The following SULF1 variants were observed in gnomAD, a reference collection of about 807,000 sequenced individuals.
SULF1 encodes the protein sulfatase 1, also known as extracellular sulfatase Sulf-1.
A neutral mutation model predicts 110.5 loss-of-function variants in SULF1; 46 were observed. That is an observed-to-expected ratio of 0.42 (90% confidence interval 0.33 to 0.53). The LOEUF (loss-of-function observed/expected upper bound fraction) is 0.53. SULF1 is among the 20% of genes least tolerant of loss of function. The pLI, the probability that SULF1 is intolerant of heterozygous loss-of-function variation, is 0.12. For missense variants in SULF1, 941 were observed against 1,094.2 expected (o/e 0.86, Z 1.98); for synonymous variants, 371 against 387.1 (o/e 0.96, Z 0.49).
chr8:69,510,245 A>C (rs13263768), intron 3 of SULF1, among the ~76,000 whole-genome samples: 79,349 of 152,022 alleles, frequency 0.52, 21,422 homozygotes, highest in South Asian at 0.65. Flanking sequence ...TTGTCTTCTC[A>C]AAATGGGAAG....
chr8:69,515,216 C>T (rs1191424392), intron 3 of SULF1, among the ~76,000 whole-genome samples: 1 of 152,212 alleles, frequency 6.6e-6, no homozygotes, highest in Non-Finnish European at 1.5e-5. Flanking sequence ...GACATCCAGG[C>T]ATGTCCATTT....
At chr8:69,580,318 ATTAAC>A (rs890688685) in intron 6 of SULF1, among the ~76,000 whole-genome samples, 3 of 152,350 alleles carry the variant, frequency 2.0e-5, no homozygotes, top group African/African-American at 7.2e-5. Context: ...CTCCAAAAAA[ATTAAC>A]TTAAATTTAT....
intron 13 of SULF1, among the ~76,000 whole-genome samples, chr8:69,619,462 G>A (rs1371837086): frequency 6.6e-6 from 1 of 152,182 alleles, no homozygotes; most frequent in Non-Finnish European, 1.5e-5. Context: ...GACCCCCAGG[G>A]TGAAGAGCTA....
intron 8 of SULF1, among the ~76,000 whole-genome samples, chr8:69,599,491 T>C (rs1335910769): frequency 6.6e-6 from 1 of 152,242 alleles, no homozygotes; most frequent in Non-Finnish European, 1.5e-5. Context: ...TTCCTCAACT[T>C]TGCCAAGGCT....
At chr8:69,500,719 G>A (rs1810735815) in intron 2 of SULF1, among the ~76,000 whole-genome samples, 1 of 152,198 alleles carries the variant, frequency 6.6e-6, no homozygotes, top group South Asian at 2.1e-4. Flanking sequence ...CCCCCAGGAG[G>A]AGAAGCACAG....
chr8:69,575,919 G>T, intron 5 of SULF1, 51 bp from the exon 6 acceptor site: 1 of 1,591,358 alleles, frequency 6.3e-7, no homozygotes, highest in Non-Finnish European at 8.6e-7. Flanking sequence ...AATCGAAATA[G>T]GCATTCATGT....
At chr8:69,584,127 G>A (rs892257382) in intron 6 of SULF1, among the ~76,000 whole-genome samples, 3 of 152,206 alleles carry the variant, frequency 2.0e-5, no homozygotes, top group Non-Finnish European at 4.4e-5. Flanking sequence ...CTGAGATTGC[G>A]AGAAGAGGGT....
At chr8:69,597,824 G>T (rs2130364088) in intron 8 of SULF1, among the ~76,000 whole-genome samples, 1 of 152,318 alleles carries the variant, frequency 6.6e-6, no homozygotes, top group East Asian at 1.9e-4. Flanking sequence ...AAGAAACCCT[G>T]TGTAATCTGT....
chr8:69,652,538 T>C (rs1044145111), intron 22 of SULF1, among the ~76,000 whole-genome samples: 1 of 152,238 alleles, frequency 6.6e-6, no homozygotes, highest in Middle Eastern at 3.2e-3. Context: ...TGCTTTTTCT[T>C]CTATGGAAAC....
At chr8:69,567,748 T>G (rs1425982261) in intron 5 of SULF1, among the ~76,000 whole-genome samples, 2 of 152,216 alleles carry the variant, frequency 1.3e-5, no homozygotes, top group African/African-American at 4.8e-5. Flanking sequence ...TGTTGGAAAT[T>G]TGAGTTGCTT....
intron 3 of SULF1, among the ~76,000 whole-genome samples, chr8:69,528,122 C>T (rs752705184): frequency 6.6e-6 from 1 of 152,176 alleles, no homozygotes. Flanking sequence ...CCTTTGCCCC[C>T]ACAGGACCTT....
rs189639587 is a variant in SULF1 at position 69,546,371 on chromosome 8, G to C, written c.-133-17168G>C. Among the ~76,000 whole-genome samples the C allele has an allele frequency of 2.8e-4, 43 of 152,220 alleles. No individual in the cohort carries two copies. In the East Asian group the frequency reaches 5.8e-3, roughly 21 times the overall value. ...TATTTTGTCCTCTACATTTATCCCC[G>C]TGGTCAGGCAAAGCTATGATTCAAG... On this transcript the variant is annotated intron_variant, in intron 3 of 22. Transcript: ENST00000402687.
chr8:69,585,000 C>T (rs1001668915), intron 6 of SULF1, among the ~76,000 whole-genome samples: 9 of 152,206 alleles, frequency 5.9e-5, no homozygotes, highest in African/African-American at 1.9e-4. Flanking sequence ...CCAGGAACTA[C>T]TTTTTTACCA....
At chr8:69,498,653 A>C (rs1530241) in intron 2 of SULF1, among the ~76,000 whole-genome samples, 88,573 of 151,962 alleles carry the variant, frequency 0.58, 26,245 homozygotes, top group East Asian at 0.82. Context: ...TAATGAAAAT[A>C]GAGGCTGTCA....
intron 1 of SULF1, among the ~76,000 whole-genome samples, chr8:69,486,184 A>T (rs16935943): frequency 0.054 from 8,268 of 152,252 alleles, 696 homozygotes; most frequent in African/African-American, 0.18. Context: ...CGTTCATGCC[A>T]TAAAAGACTC....
chr8:69,551,241 G>A (rs1266912492), intron 3 of SULF1, among the ~76,000 whole-genome samples: 1 of 152,142 alleles, frequency 6.6e-6, no homozygotes, highest in Non-Finnish European at 1.5e-5. Flanking sequence ...TTTCAGCCTG[G>A]GAGTGTTGAA....
At chr8:69,596,902 C>A (rs7002022) in intron 8 of SULF1, among the ~76,000 whole-genome samples, 1 of 152,078 alleles carries the variant, frequency 6.6e-6, no homozygotes, top group Non-Finnish European at 1.5e-5. Flanking sequence ...CTCTTAACCC[C>A]TACAAGAACT....
intron 22 of SULF1, among the ~76,000 whole-genome samples, chr8:69,648,139 G>GAA (rs112144677): frequency 2.6e-4 from 31 of 117,686 alleles, no homozygotes; most frequent in African/African-American, 4.9e-4. Flanking sequence ...TGTGCCTTCA[G>GAA]AAAAAAAAAA....
At chr8:69,642,467 C>A in intron 22 of SULF1, 1 of 887,052 alleles carries the variant, frequency 1.1e-6, no homozygotes, top group Non-Finnish European at 1.4e-6. Flanking sequence ...TGCCCCACAC[C>A]AACCCTGTGT....
Sources: allele counts gnomAD v4.1 joint callset (sites outside exome capture counted in the v4.1 genomes callset), GRCh38; gene constraint gnomAD v4.1.1; transcripts MANE v1.5; gene names NCBI Gene and HGNC (gene_info 2026-07-23, HGNC 2026-07-21).